Variants in TBC1D15 observed in about 807,000 individuals in gnomAD.
TBC1D15 encodes the protein TBC1 domain family member 15.
A neutral mutation model predicts 95.4 loss-of-function variants in TBC1D15; 39 were observed. That is an observed-to-expected ratio of 0.41 (90% CI 0.32 to 0.53). The LOEUF (loss-of-function observed/expected upper bound fraction) is 0.53, where lower values mean the gene tolerates loss of function less well. TBC1D15 is among the 20% of genes least tolerant of loss of function. The pLI is 0.29. For synonymous variants in TBC1D15, 258 were observed against 261.3 expected, an observed-to-expected ratio of 0.99 and a Z score of 0.12; for missense variants, 733 against 794.3, an observed-to-expected ratio of 0.92 and a Z score of 0.93.
intron 1 of TBC1D15, among the ~76,000 whole-genome samples, chr12:71,840,315 T>A (rs1297941517): frequency 6.6e-6 from 1 of 152,110 alleles, no homozygotes; most frequent in Non-Finnish European, 1.5e-5. Context: ...GTGTATTGGG[T>A]CTGTTTTTAC....
intron 1 of TBC1D15, chr12:71,849,769 C>T (rs1189563648): frequency 1.8e-6 from 1 of 552,650 alleles, no homozygotes; most frequent in Non-Finnish European, 3.5e-6. Flanking sequence ...CTTTCTCATC[C>T]AGGATCTCCA....
intron 9 of TBC1D15, chr12:71,897,164 G>A (rs1034957044): frequency 6.4e-6 from 1 of 156,788 alleles, no homozygotes; most frequent in African/African-American, 2.4e-5. Context: ...TTGCTATTTA[G>A]ATTAATTACC....
At chr12:71,892,358 T>C (rs1897334672) in intron 5 of TBC1D15, among the ~76,000 whole-genome samples, 1 of 152,074 alleles carries the variant, frequency 6.6e-6, no homozygotes, top group Non-Finnish European at 1.5e-5. Flanking sequence ...TTAAAGATCT[T>C]ATCTCAAACA....
Position 71,917,739 on chromosome 12 carries a change from G to A in TBC1D15, c.1443G>A (p.Gln481=). ...AACAAATGCAAGGCATGAAGACCCA[G>A]CTAATTCAGCTGAGTACCTTACTTC... ...FEEQMQGMKT[Q]LIQLSTLLRL... The change falls in exon 13 of 17, where the codon CAG becomes CAA. Residue 481 remains glutamine, a synonymous_variant. Coordinates refer to ENST00000485960, the MANE Select transcript of TBC1D15 (RefSeq NM_001146213.3). 6.2e-7 allele frequency: 1 copy of A among 1,612,950 alleles called. No homozygotes were observed. Among genetic ancestry groups the A allele is most frequent in the Non-Finnish European group, 8.5e-7 (1 of 1,179,330 alleles).
At chr12:71,916,335 A>G (rs189974613) in intron 12 of TBC1D15, among the ~76,000 whole-genome samples, 2 of 152,188 alleles carry the variant, frequency 1.3e-5, no homozygotes, top group African/African-American at 4.8e-5. Flanking sequence ...TGTCTATGCC[A>G]TGTTGGTATT....
intron 10 of TBC1D15, among the ~76,000 whole-genome samples, chr12:71,903,526 C>T (rs1271499971): frequency 1.3e-5 from 2 of 152,060 alleles, no homozygotes; most frequent in African/African-American, 4.8e-5. Context: ...GATATATGTC[C>T]AAAGGGGTAT....
At position 71,884,972 on chromosome 12, in the gene TBC1D15, G is replaced by A. The variant is rs1189466217; in HGVS notation, c.505G>A (p.Asp169Asn). Residue 169 changes from aspartate to asparagine, a missense_variant, in exon 5 of 17, where the codon GAT (aspartate) becomes AAT (asparagine). By Grantham distance (23) the Asp-to-Asn change is conservative. Coordinates refer to ENST00000485960, the MANE Select transcript of TBC1D15 (RefSeq NM_001146213.3). ...CCCTGCTCTACACTTTCATCAAGGA[G>A]ATAGCAAACTACTGATTGAATCTCT... ...VLPALHFHQG[D>N]SKLLIESLEK... 4 of 1,613,910 alleles carry A rather than the reference G, an allele frequency of 2.5e-6. No homozygotes were observed. Among genetic ancestry groups the A allele is most frequent in the Non-Finnish European group, 2.5e-6 (3 of 1,179,856 alleles).
At position 71,907,052 on chromosome 12, in the gene TBC1D15, A is replaced by T. The variant is rs1043534116; in HGVS notation, c.1214A>T (p.Asn405Ile). 6 of 1,611,614 alleles carry T rather than the reference A, an allele frequency of 3.7e-6. No individual in the cohort carries two copies. In the Admixed American group the frequency reaches 1.0e-4, roughly 27 times the overall value. The change falls in exon 11 of 17, where the codon AAC becomes ATC. Residue 405 changes from asparagine (N) to isoleucine (I), a missense_variant. By Grantham distance (149) the Asn-to-Ile change is moderately radical (BLOSUM62 -3). Transcript: ENST00000485960. ...GATGTTAACAGAACAGATCGAACAAACAAGTTTTATGAAGGCCAAGATAAT... is the reference window on the plus strand; with the variant it reads ...GATGTTAACAGAACAGATCGAACAATCAAGTTTTATGAAGGCCAAGATAAT... The part of the protein sequence containing the change: ...EKDVNRTDRT[N>I]KFYEGQDNPG...
intron 5 of TBC1D15, among the ~76,000 whole-genome samples, chr12:71,888,282 G>A (rs1394530780): frequency 1.3e-5 from 2 of 152,062 alleles, no homozygotes; most frequent in African/African-American, 2.4e-5. Flanking sequence ...TCAGGAGTTC[G>A]AGACCAGCCT....
At chr12:71,873,909 G>A (rs1565985172) in intron 3 of TBC1D15, among the ~76,000 whole-genome samples, 1 of 152,184 alleles carries the variant, frequency 6.6e-6, no homozygotes, top group Non-Finnish European at 1.5e-5. Flanking sequence ...TCTGAGGGCT[G>A]TTAGGGAGAA....
At position 71,920,201 on chromosome 12, in the gene TBC1D15, G is replaced by T. The variant is rs139877711; in HGVS notation, c.1600-530G>T. 3.5e-4 allele frequency among the ~76,000 whole-genome samples: 53 copies of T among 152,224 alleles called. 1 individual carries two copies. Among genetic ancestry groups the T allele is most frequent in the African/African-American group, 9.6e-4 (40 of 41,544 alleles). On this transcript the variant is annotated intron_variant, in intron 14 of 16. Transcript: ENST00000485960. ...GTTTTCTATGTTTGGTTATAAATTTGGGGCAGTTAATTCAGTTATTGTCAC... is the reference window on the plus strand; with the variant it reads ...GTTTTCTATGTTTGGTTATAAATTTTGGGCAGTTAATTCAGTTATTGTCAC...
intron 4 of TBC1D15, among the ~76,000 whole-genome samples, chr12:71,884,178 A>G (rs1423720262): frequency 6.6e-6 from 1 of 152,102 alleles, no homozygotes; most frequent in African/African-American, 2.4e-5. Context: ...GTTATTTTTT[A>G]TATCAGTATG....
At position 71,918,326 on chromosome 12, in the gene TBC1D15, G is replaced by T. The variant is rs544978702; in HGVS notation, c.1502-125G>T. 7.6e-6 allele frequency: 4 copies of T among 527,448 alleles called. No homozygotes were observed. In the East Asian group the frequency reaches 9.2e-5, roughly 12 times the overall value. 32.7% of individuals were successfully genotyped at this position (527,448 alleles called of 1,614,324 possible). ...TTCAAGTTTGAAATGATTCCTTAAC[G>T]TAGAAGACAAATGTATAGGGCCTTG... is the stretch of plus-strand genomic sequence containing the variant. On this transcript the variant is annotated intron_variant, in intron 13 of 16. Transcript: ENST00000485960.
chr12:71,849,670 A>G (rs1342624251), intron 1 of TBC1D15: 1 of 559,002 alleles, frequency 1.8e-6, no homozygotes, highest in East Asian at 4.0e-5. Flanking sequence ...TCCATCAGCA[A>G]CTCTATCTCC....
intron 5 of TBC1D15, among the ~76,000 whole-genome samples, chr12:71,891,578 A>T (rs866375346): frequency 6.6e-6 from 1 of 152,252 alleles, no homozygotes; most frequent in African/African-American, 2.4e-5. Flanking sequence ...ACAGTATACT[A>T]CTTGTCCTTT....
At chr12:71,908,388 A>G (rs1307607672) in intron 11 of TBC1D15, among the ~76,000 whole-genome samples, 4 of 151,862 alleles carry the variant, frequency 2.6e-5, no homozygotes, top group Admixed American at 2.6e-4. Flanking sequence ...GCTTCTAGCT[A>G]AAGGATAGTG....
Position 71,923,165 on chromosome 12 carries a change from A to G in TBC1D15, c.1986A>G (p.Ile662Met). 1 of 1,614,232 alleles carries G rather than the reference A, an allele frequency of 6.2e-7. No individual in the cohort carries two copies. The highest frequency in any genetic ancestry group is 8.5e-7 in the Non-Finnish European group (1 of 1,180,040). The part of the protein sequence containing the change: ...SGARNDSPTQ[I>M]PVSSDVCRLT... ...CCAGAAATGACAGCCCAACACAGAT[A>G]CCAGTGTCCTCAGATGTCTGCAGAT... The change falls in exon 17 of 17, where the codon ATA becomes ATG. Residue 662 changes from isoleucine (I) to methionine (M), a missense_variant. By Grantham distance (10) the Ile-to-Met change is conservative (BLOSUM62 1). Coordinates refer to ENST00000485960, the MANE Select transcript of TBC1D15 (RefSeq NM_001146213.3).
chr12:71,905,996 C>T (rs1469852643), intron 10 of TBC1D15, among the ~76,000 whole-genome samples: 1 of 152,090 alleles, frequency 6.6e-6, no homozygotes, highest in Non-Finnish European at 1.5e-5. Context: ...CCTCAGCCTT[C>T]TGAGTAGCTG....
intron 5 of TBC1D15, among the ~76,000 whole-genome samples, chr12:71,885,610 A>T (rs1388311121): frequency 6.6e-6 from 1 of 152,124 alleles, no homozygotes; most frequent in Non-Finnish European, 1.5e-5. Flanking sequence ...TGTTCCTAGG[A>T]ATTAGAGAAT....
Sources: allele counts gnomAD v4.1 joint callset (sites outside exome capture counted in the v4.1 genomes callset), GRCh38; gene constraint gnomAD v4.1.1; transcripts MANE v1.5; gene names NCBI Gene and HGNC (gene_info 2026-07-23, HGNC 2026-07-21).